RPH3AL: variants seen among roughly 807,000 people sequenced by gnomAD.
RPH3AL encodes the protein rabphilin 3A like (without C2 domains).
Under a neutral mutation model 43.1 loss-of-function variants are expected in RPH3AL, and 38 were observed. That is an observed-to-expected ratio of 0.88 (90% CI 0.68 to 1.15). The LOEUF is 1.15. Among genes scored for constraint, RPH3AL ranks in the 50% most tolerant of loss-of-function variants. The probability of loss-of-function intolerance (pLI) is 0.00; values close to 1 mark genes in which losing one functional copy is unlikely to be tolerated. For missense variants in RPH3AL, 462 were observed against 423.2 expected, an observed-to-expected ratio of 1.09 and a Z score of -0.81; for synonymous variants, 189 against 176.3, an observed-to-expected ratio of 1.07 and a Z score of -0.57.
rs2041735729 is a variant in RPH3AL at position 245,364 on chromosome 17, T to TGTGTGTGTGTGGATGTCA, written c.613+1729_613+1746dup. Among the ~76,000 whole-genome samples the TGTGTGTGTGTGGATGTCA allele has an allele frequency of 6.7e-6, 1 of 148,902 alleles. No individual in the cohort carries two copies. Among genetic ancestry groups the TGTGTGTGTGTGGATGTCA allele is most frequent in the Admixed American group, 6.7e-5 (1 of 14,832 alleles). ...ATGTGAGTGTGTATGTGGATGTCAG[T>TGTGTGTGTGTGGATGTCA]GTGTGTGTGTGGATGTCAGTGTGTG... On this transcript the variant is annotated intron_variant, in intron 7 of 9. Transcript: ENST00000331302. This position sits in a 1 kb window ranked among gnomAD's most constrained non-coding sequence, Gnocchi z 5.9.
At chr17:306,690 G>C (rs537393529) in intron 5 of RPH3AL, 1 of 151,456 alleles carries the variant, frequency 6.6e-6, no homozygotes, top group East Asian at 2.0e-4. Context: ...TCCCTGCTTA[G>C]TCCCTTGGAT....
intron 6 of RPH3AL, among the ~76,000 whole-genome samples, chr17:263,357 G>A (rs919623061): frequency 1.3e-5 from 2 of 152,122 alleles, no homozygotes; most frequent in Admixed American, 6.5e-5. Context: ...AGTCCAAGCT[G>A]GCCAGCTCCT....
At chr17:351,875 T>C (rs2045360013) in intron 1 of RPH3AL, among the ~76,000 whole-genome samples, 1 of 152,210 alleles carries the variant, frequency 6.6e-6, no homozygotes, top group African/African-American at 2.4e-5. Context: ...TGCTTGTCCA[T>C]GTGCCTGACG....
intron 1 of RPH3AL, among the ~76,000 whole-genome samples, chr17:348,332 A>G (rs1279800693): frequency 6.6e-6 from 1 of 152,212 alleles, no homozygotes; most frequent in Admixed American, 6.5e-5. Flanking sequence ...TGAAGTCCAC[A>G]CTACCTACAC....
At position 298,435 on chromosome 17, in the gene RPH3AL, C is replaced by A. The variant is rs9902691; in HGVS notation, c.352-16581G>T. 5.8e-4 allele frequency among the ~76,000 whole-genome samples: 89 copies of A among 152,324 alleles called. 1 individual carries two copies. Among genetic ancestry groups the A allele is most frequent in the Middle Eastern group, 3.4e-3 (1 of 294 alleles). The stretch of plus-strand genomic sequence containing the variant: ...AGCCAGGCTGGGCACGGTGGCTCAC[C>A]CCTGTAATCCTGGCATTTTGGGAGG... On this transcript the variant is annotated intron_variant, in intron 5 of 9. Coordinates refer to ENST00000331302, the MANE Select transcript of RPH3AL (RefSeq NM_006987.4).
chr17:331,540 G>A (rs533918404), intron 2 of RPH3AL: 36 of 1,244,684 alleles, frequency 2.9e-5, no homozygotes, highest in African/African-American at 6.1e-5. Flanking sequence ...TCACTCGCAC[G>A]GAGCAACCTC....
chr17:253,557 T>C (rs542008561), intron 6 of RPH3AL, among the ~76,000 whole-genome samples: 13 of 152,226 alleles, frequency 8.5e-5, no homozygotes, highest in Admixed American at 8.5e-4. Flanking sequence ...ATCAAACGTA[T>C]CACCTGAAGT....
intron 7 of RPH3AL, among the ~76,000 whole-genome samples, chr17:240,361 GTA>G (rs2041500142): frequency 6.6e-6 from 1 of 151,990 alleles, no homozygotes; most frequent in East Asian, 1.9e-4. Context: ...GTGGTTTTTA[GTA>G]TAGCCATACG....
intron 6 of RPH3AL, among the ~76,000 whole-genome samples, chr17:273,987 G>A (rs942370605): frequency 9.2e-5 from 14 of 152,192 alleles, no homozygotes; most frequent in African/African-American, 2.2e-4. Context: ...CGTTTGAGAC[G>A]CTGCAGGAAT....
intron 5 of RPH3AL, among the ~76,000 whole-genome samples, chr17:295,152 A>G (rs2043143534): frequency 1.4e-5 from 2 of 138,590 alleles, no homozygotes; most frequent in Non-Finnish European, 3.1e-5. Context: ...GAGGGAATGC[A>G]CATCAGTGTG....
At chr17:332,005 G>A in intron 2 of RPH3AL, 1 of 646,850 alleles carries the variant, frequency 1.5e-6, no homozygotes, top group Non-Finnish European at 2.4e-6. Flanking sequence ...AGCAGAGGCA[G>A]GAGGTTCTGT....
In RPH3AL at chr17:225,789, A is replaced by G. The variant is rs929579291; in HGVS notation, c.614-6053T>C. ...ACACAGTCTGGGGCTGGCGGTGGGC[A>G]CGGGGCTCCGTGGTGTCACACAGTA... On this transcript the variant is annotated intron_variant, in intron 7 of 9. Coordinates refer to ENST00000331302, the MANE Select transcript of RPH3AL (RefSeq NM_006987.4). The surrounding 1 kb of genome is among the most constrained non-coding windows in gnomAD (Gnocchi z 4.4). 9.2e-5 allele frequency among the ~76,000 whole-genome samples: 14 copies of G among 152,308 alleles called. No homozygotes were observed. Among genetic ancestry groups the G allele is most frequent in the African/African-American group, 3.4e-4 (14 of 41,570 alleles).
At chr17:265,430 C>T (rs950985578) in intron 6 of RPH3AL, among the ~76,000 whole-genome samples, 11 of 152,136 alleles carry the variant, frequency 7.2e-5, no homozygotes, top group African/African-American at 2.7e-4. Flanking sequence ...ATAAGTATAG[C>T]TTTGAATATT....
intron 5 of RPH3AL, among the ~76,000 whole-genome samples, chr17:312,644 C>T (rs1244350273): frequency 6.6e-6 from 1 of 152,232 alleles, no homozygotes; most frequent in East Asian, 1.9e-4. Context: ...CAATCACAGG[C>T]ATCCTTTACT....
rs894257082 is a variant in RPH3AL at position 232,404 on chromosome 17, A to T, written c.614-12668T>A. The stretch of plus-strand genomic sequence containing the variant: ...CTACAGCTGTTGCTGTTTTTATCGG[A>T]CTCCTCAGCACCAAGGGCCAAAGCC... On this transcript the variant is annotated intron_variant, in intron 7 of 9. Transcript: ENST00000331302. 7.2e-5 allele frequency among the ~76,000 whole-genome samples: 11 copies of T among 151,914 alleles called. No homozygotes were observed. The South Asian group carries it at 1.5e-3, about 20-fold the overall frequency.
chr17:290,922 G>A lies in RPH3AL; in HGVS notation c.352-9068C>T, dbSNP rs112216624. ...AGAGGGCTGTTCATGAGCCTCACTCGACCGAAAAGGGTGAAACTGCGCTCA... is the reference window on the plus strand; with the variant it reads ...AGAGGGCTGTTCATGAGCCTCACTCAACCGAAAAGGGTGAAACTGCGCTCA... On this transcript the variant is annotated intron_variant, in intron 5 of 9. Coordinates refer to ENST00000331302, the MANE Select transcript of RPH3AL (RefSeq NM_006987.4). This position sits in a 1 kb window ranked among gnomAD's most constrained non-coding sequence, Gnocchi z 4.2. Among the ~76,000 whole-genome samples, 1,425 of 152,212 alleles carry A rather than the reference G, an allele frequency of 9.4e-3. 19 individuals are homozygous for A. The highest frequency in any genetic ancestry group is 0.031 in the African/African-American group (1,282 of 41,508).
At chr17:301,084 C>T (rs988318738) in intron 5 of RPH3AL, among the ~76,000 whole-genome samples, 2 of 152,256 alleles carry the variant, frequency 1.3e-5, no homozygotes, top group South Asian at 2.1e-4. Context: ...TCTGTAGGGG[C>T]GCTGCCTCAG....
rs1201829350 is a variant in RPH3AL at position 322,053 on chromosome 17, G to A, written c.78-638C>T. ...GACACAGCGTTGATATGAACACTTT[G>A]AAAACTAGCAGGTTCGAGGCGGGGG... On this transcript the variant is annotated intron_variant, in intron 3 of 9. Transcript: ENST00000331302. The surrounding 1 kb of genome is among the most constrained non-coding windows in gnomAD (Gnocchi z 4.0). 6.6e-6 allele frequency among the ~76,000 whole-genome samples: 1 copy of A among 152,162 alleles called. No homozygotes were observed. Among genetic ancestry groups the A allele is most frequent in the African/African-American group, 2.4e-5 (1 of 41,434 alleles).
At chr17:272,234 A>C (rs2042482615) in intron 6 of RPH3AL, among the ~76,000 whole-genome samples, 1 of 152,166 alleles carries the variant, frequency 6.6e-6, no homozygotes, top group African/African-American at 2.4e-5. Context: ...ATACCATTTG[A>C]CCCAGCCATC....
Sources: allele counts gnomAD v4.1 joint callset (sites outside exome capture counted in the v4.1 genomes callset), GRCh38; gene constraint gnomAD v4.1.1; non-coding constraint Gnocchi (gnomAD v3.1); transcripts MANE v1.5; gene names NCBI Gene and HGNC (gene_info 2026-07-23, HGNC 2026-07-21).